The following CAMTA1 variants were observed in gnomAD, a reference collection of about 807,000 sequenced individuals.
The protein encoded by CAMTA1 is calmodulin binding transcription activator 1.
CAMTA1 carries 27 observed loss-of-function variants against 170.9 expected under a neutral mutation model. That is an observed-to-expected ratio of 0.16 (90% confidence interval 0.12 to 0.22). The LOEUF is 0.22. CAMTA1 is among the 10% of genes least tolerant of loss of function. CAMTA1 has a pLI of 1.00. For synonymous variants in CAMTA1, 833 were observed against 891.5 expected, an observed-to-expected ratio of 0.93 and a Z score of 1.17; for missense variants, 1,619 against 2,217.2, an observed-to-expected ratio of 0.73 and a Z score of 5.42.
At chr1:7,567,735 G>C (rs1189791650) in intron 6 of CAMTA1, among the ~76,000 whole-genome samples, 2 of 151,284 alleles carry the variant, frequency 1.3e-5, no homozygotes, top group African/African-American at 2.5e-5. Flanking sequence ...CAAGATGCTG[G>C]GGTGATTCAG....
chr1:7,035,376 G>C (rs1451261638), intron 3 of CAMTA1, among the ~76,000 whole-genome samples: 1 of 151,380 alleles, frequency 6.6e-6, no homozygotes, highest in East Asian at 1.9e-4. Flanking sequence ...CTCCAGCCTG[G>C]GCAACAAGAG....
At chr1:7,648,799 C>T (rs1255045537) in intron 7 of CAMTA1, among the ~76,000 whole-genome samples, 1 of 152,202 alleles carries the variant, frequency 6.6e-6, no homozygotes, top group African/African-American at 2.4e-5. Flanking sequence ...ATTCTGACTC[C>T]CTGGGTCTGG....
chr1:6,974,538 A>C (rs1309547598), intron 3 of CAMTA1, among the ~76,000 whole-genome samples: 1 of 152,204 alleles, frequency 6.6e-6, no homozygotes, highest in Non-Finnish European at 1.5e-5. Flanking sequence ...GTTGGGAGTG[A>C]GGCGAGGCCA....
At chr1:6,803,321 G>A (rs1334164844) in intron 1 of CAMTA1, among the ~76,000 whole-genome samples, 1 of 152,234 alleles carries the variant, frequency 6.6e-6, no homozygotes, top group Non-Finnish European at 1.5e-5. Context: ...AACAAGCGGG[G>A]AAGAAAACAG....
At chr1:7,717,481 C>T (rs530726166) in intron 11 of CAMTA1, among the ~76,000 whole-genome samples, 20 of 152,240 alleles carry the variant, frequency 1.3e-4, no homozygotes, top group Non-Finnish European at 2.4e-4. Flanking sequence ...CGTAGTGGCT[C>T]ACACCTGTAA....
intron 6 of CAMTA1, among the ~76,000 whole-genome samples, chr1:7,581,348 T>C (rs569400103): frequency 2.0e-5 from 3 of 152,358 alleles, no homozygotes; most frequent in East Asian, 3.9e-4. Context: ...ATGGAGAAAA[T>C]TGAAACATTG....
intron 7 of CAMTA1, among the ~76,000 whole-genome samples, chr1:7,661,345 G>A (rs1382706887): frequency 6.6e-6 from 1 of 152,208 alleles, no homozygotes; most frequent in African/African-American, 2.4e-5. Context: ...TCACAGGCTG[G>A]GAAGTCCCTC....
intron 1 of CAMTA1, among the ~76,000 whole-genome samples, chr1:6,810,823 A>G (rs552901939): frequency 1.3e-5 from 2 of 152,226 alleles, no homozygotes; most frequent in South Asian, 4.2e-4. Flanking sequence ...AGCTGTTAAC[A>G]TCAAGAGGTG....
rs186470652 is a variant in CAMTA1 at position 7,426,322 on chromosome 1, G to T, written c.439-41508G>T. Among the ~76,000 whole-genome samples, 1 of 152,176 alleles carries T rather than the reference G, an allele frequency of 6.6e-6. No individual in the cohort carries two copies. The highest frequency in any genetic ancestry group is 2.4e-5 in the African/African-American group (1 of 41,430). On this transcript the variant is annotated intron_variant, in intron 5 of 22. Transcript: ENST00000303635. This position sits in a 1 kb window ranked among gnomAD's most constrained non-coding sequence, Gnocchi z 4.8. ...CTCAGAGTCCTAGGGTGCCCTGCCT[G>T]GTGGGTGCATGGGGCCAGCAAGGGC...
chr1:6,810,150 C>G (rs760254186), intron 1 of CAMTA1, among the ~76,000 whole-genome samples: 1 of 152,166 alleles, frequency 6.6e-6, no homozygotes, highest in African/African-American at 2.4e-5. Flanking sequence ...TTGGGCAGGG[C>G]AGGGCTGGGT....
In CAMTA1 at chr1:7,007,271, C is replaced by T. The variant is rs1261535938; in HGVS notation, c.235-84033C>T. Among the ~76,000 whole-genome samples the T allele has an allele frequency of 6.6e-6, 1 of 152,102 alleles. No homozygotes were observed. Among genetic ancestry groups the T allele is most frequent in the Admixed American group, 6.5e-5 (1 of 15,278 alleles). On this transcript the variant is annotated intron_variant, in intron 3 of 22. Coordinates refer to ENST00000303635, the MANE Select transcript of CAMTA1 (RefSeq NM_015215.4). The surrounding 1 kb of genome is among the most constrained non-coding windows in gnomAD (Gnocchi z 4.5). ...GTCACAGCAGCTTGGAGCGTGGAAG[C>T]ACACATATAATCATCACTTAACTAA...
chr1:7,195,441 G>T lies in CAMTA1; in HGVS notation c.303-54050G>T, dbSNP rs1655342116. 6.6e-6 allele frequency among the ~76,000 whole-genome samples: 1 copy of T among 152,188 alleles called. No individual in the cohort carries two copies. Among genetic ancestry groups the T allele is most frequent in the Non-Finnish European group, 1.5e-5 (1 of 68,036 alleles). On this transcript the variant is annotated intron_variant, in intron 4 of 22. Transcript: ENST00000303635. This position sits in a 1 kb window ranked among gnomAD's most constrained non-coding sequence, Gnocchi z 4.1. The stretch of plus-strand genomic sequence containing the variant: ...GCTTGGTGGCCGAGTGGAGTGAGGA[G>T]TGCAGACTCCCCAGCTGCCCGTAGT...
chr1:7,677,342 C>A (rs4908474), intron 10 of CAMTA1, among the ~76,000 whole-genome samples: 1 of 152,110 alleles, frequency 6.6e-6, no homozygotes, highest in Non-Finnish European at 1.5e-5. Context: ...TGCCCTCACT[C>A]GGAGGACAAA....
intron 6 of CAMTA1, among the ~76,000 whole-genome samples, chr1:7,476,625 A>G (rs1418771866): frequency 2.0e-5 from 3 of 152,092 alleles, no homozygotes; most frequent in African/African-American, 7.2e-5. Context: ...GTGTCCCAGC[A>G]CCGGTGCCAG....
Position 7,640,454 on chromosome 1 carries a change from G to A in CAMTA1, c.565G>A (p.Gly189Ser), listed in dbSNP as rs146417182. Residue 189 changes from glycine to serine, a missense_variant, in exon 7 of 23, where the codon GGC becomes AGC. This residue lies in a region of CAMTA1 where 97 missense variants were observed against 225.4 expected (regional missense o/e 0.43). Transcript: ENST00000303635. Reference protein sequence around the residue: ...YLNVPAIEDCGKPCGPILCSI... With the variant: ...YLNVPAIEDCSKPCGPILCSI... ...GAACGTGCCGGCCATCGAGGACTGC[G>A]GCAAGCCTTGCGGCCCCATCCTCTG... 107 of 1,614,152 alleles carry A rather than the reference G, an allele frequency of 6.6e-5. No individual in the cohort carries two copies. The African/African-American group carries it at 1.0e-3, about 15-fold the overall frequency.
chr1:7,069,864 T>G (rs1483167905), intron 3 of CAMTA1, among the ~76,000 whole-genome samples: 1 of 152,226 alleles, frequency 6.6e-6, no homozygotes, highest in Non-Finnish European at 1.5e-5. Flanking sequence ...TAAACAGTAT[T>G]AACCACAGGC....
chr1:7,085,926 G>T (rs547595792), intron 3 of CAMTA1, among the ~76,000 whole-genome samples: 16 of 152,180 alleles, frequency 1.1e-4, no homozygotes, highest in African/African-American at 3.9e-4. Flanking sequence ...GTGCAGCATC[G>T]CAGTCCCCAG....
At chr1:6,822,463 C>G (rs1449930335) in intron 2 of CAMTA1, among the ~76,000 whole-genome samples, 2 of 152,010 alleles carry the variant, frequency 1.3e-5, no homozygotes, top group Non-Finnish European at 2.9e-5. Flanking sequence ...ACTCGCAATC[C>G]TTATAATGTA....
rs761114712 is a variant in CAMTA1, at chr1:7,640,562, C to T, written c.664+9C>T. On this transcript the variant is annotated intron_variant, in intron 7 of 22. Coordinates refer to ENST00000303635, the MANE Select transcript of CAMTA1 (RefSeq NM_015215.4). ...GCAGCTGAAACCCATGTGTGAGTGG[C>T]CTTGGCCGGCCTGGCGCCCCCACGC... 1 of 1,614,046 alleles carries T rather than the reference C, an allele frequency of 6.2e-7. No homozygotes were observed. The highest frequency in any genetic ancestry group is 1.7e-5 in the Admixed American group (1 of 60,034).
Sources: gnomAD v4.1 joint callset for allele counts (sites outside exome capture counted in the v4.1 genomes callset) on GRCh38, gnomAD v4.1.1 for gene constraint, gnomAD v4.1.1 regional missense constraint, Gnocchi (gnomAD v3.1) non-coding constraint, MANE v1.5 for transcripts, NCBI Gene and HGNC (gene_info 2026-07-23, HGNC 2026-07-21) for gene names.